Variants in ELF5 observed in about 807,000 individuals in gnomAD.
ELF5 encodes E74 like ETS transcription factor 5, also known as ETS-related transcription factor Elf-5.
Under a neutral mutation model 38.2 loss-of-function variants are expected in ELF5, and 31 were observed. The observed-to-expected ratio is 0.81, with a 90% CI of 0.61 to 1.10. The LOEUF is 1.10. Among genes scored for constraint, ELF5 ranks in the 50% least tolerant of loss-of-function variants. ELF5 has a pLI of 0.00. For synonymous variants in ELF5, 121 were observed against 112.5 expected, an observed-to-expected ratio of 1.08 and a Z score of -0.48; for missense variants, 300 against 306.6, an observed-to-expected ratio of 0.98 and a Z score of 0.16.
At chr11:34,496,672 C>T (rs796179821) in intron 2 of ELF5, among the ~76,000 whole-genome samples, 16 of 152,354 alleles carry the variant, frequency 1.1e-4, no homozygotes, top group African/African-American at 3.8e-4. Flanking sequence ...CCCCTCCAGA[C>T]CTAGAGCTTT....
At chr11:34,502,189 C>CA (rs1455312993) in intron 2 of ELF5, among the ~76,000 whole-genome samples, 1 of 152,216 alleles carries the variant, frequency 6.6e-6, no homozygotes, top group East Asian at 1.9e-4. Flanking sequence ...AAGCATATCT[C>CA]AAAAAACTGG....
In ELF5 at chr11:34,506,037, G is replaced by A. The variant is rs957746224; in HGVS notation, c.-4-284C>T. Among the ~76,000 whole-genome samples, 7 of 152,272 alleles carry A rather than the reference G, an allele frequency of 4.6e-5. No individual in the cohort carries two copies. In the East Asian group the frequency reaches 1.4e-3, roughly 29 times the overall value. On this transcript the variant is annotated intron_variant, in intron 1 of 6. Transcript: ENST00000257832. ...GCAAAGAGGGGACTGGAGCATGGAG[G>A]CTCTGATTATGCAATATTGCCTCTT...
intron 2 of ELF5, among the ~76,000 whole-genome samples, chr11:34,504,773 G>T (rs955298306): frequency 2.0e-5 from 3 of 152,196 alleles, no homozygotes; most frequent in African/African-American, 7.2e-5. Context: ...GTTTCTGGGG[G>T]CAAAGCTCGG....
intron 1 of ELF5, among the ~76,000 whole-genome samples, chr11:34,511,290 T>C (rs1291010967): frequency 1.3e-5 from 2 of 152,222 alleles, no homozygotes; most frequent in Non-Finnish European, 2.9e-5. Context: ...CTGTGCCCAC[T>C]GCCTTCTACC....
chr11:34,494,195 T>G (rs1850258468), intron 2 of ELF5, among the ~76,000 whole-genome samples: 1 of 152,138 alleles, frequency 6.6e-6, no homozygotes, highest in South Asian at 2.1e-4. Flanking sequence ...TTATGGAGTT[T>G]GGGGTTAATG....
At chr11:34,495,668 T>C (rs1347079613) in intron 2 of ELF5, among the ~76,000 whole-genome samples, 1 of 152,244 alleles carries the variant, frequency 6.6e-6, no homozygotes, top group African/African-American at 2.4e-5. Context: ...GCGTCAATAT[T>C]GTGCCAGGGT....
intron 4 of ELF5, among the ~76,000 whole-genome samples, chr11:34,485,954 C>A (rs1849982313): frequency 6.6e-6 from 1 of 152,144 alleles, no homozygotes; most frequent in South Asian, 2.1e-4. Flanking sequence ...TATGTCCCTG[C>A]AGCTGGTGGG....
chr11:34,505,895 TGTCACCTAC>T, intron 1 of ELF5, 142 bp from the exon 2 acceptor site: 3 of 1,017,888 alleles, frequency 2.9e-6, no homozygotes, highest in South Asian at 2.0e-5. Flanking sequence ...CACCGCCTAG[TGTCACCTAC>T]GAGTGACATT....
At chr11:34,499,499 C>T (rs1175429347) in intron 2 of ELF5, among the ~76,000 whole-genome samples, 1 of 152,212 alleles carries the variant, frequency 6.6e-6, no homozygotes, top group African/African-American at 2.4e-5. Context: ...CTGCTTCAGC[C>T]TCCCAAATTG....
chr11:34,495,604 A>T (rs1178153721), intron 2 of ELF5, among the ~76,000 whole-genome samples: 2 of 152,252 alleles, frequency 1.3e-5, no homozygotes, highest in Non-Finnish European at 2.9e-5. Flanking sequence ...GTGGAGGGGC[A>T]GTTGATTTAT....
At chr11:34,501,685 T>G (rs1486475702) in intron 2 of ELF5, among the ~76,000 whole-genome samples, 1 of 152,046 alleles carries the variant, frequency 6.6e-6, no homozygotes, top group Non-Finnish European at 1.5e-5. Context: ...TTCTAGAGTA[T>G]TTTGCAATCT....
intron 3 of ELF5, 33 bp downstream of exon 3, chr11:34,493,446 C>T (rs965951731): frequency 1.5e-5 from 24 of 1,596,626 alleles, no homozygotes; most frequent in Non-Finnish European, 2.0e-5. Context: ...ATCCTGGTCC[C>T]TCCCCTGGAG....
intron 5 of ELF5, 44 bp downstream of exon 5, chr11:34,482,387 A>G (rs1337672375): frequency 6.4e-7 from 1 of 1,557,224 alleles, no homozygotes; most frequent in African/African-American, 1.4e-5. Flanking sequence ...TGTCTGAGGA[A>G]TGGTTTTAAG....
intron 2 of ELF5, 119 bp from the exon 3 acceptor site, chr11:34,493,831 C>CCCT: frequency 1.2e-6 from 1 of 847,402 alleles, no homozygotes; most frequent in Non-Finnish European, 1.8e-6. Context: ...TTGAAAGGGC[C>CCCT]TCCAGCCCTG....
At chr11:34,508,311 G>C (rs1162871576) in intron 1 of ELF5, among the ~76,000 whole-genome samples, 1 of 152,018 alleles carries the variant, frequency 6.6e-6, no homozygotes, top group Non-Finnish European at 1.5e-5. Context: ...AGACCAGCCT[G>C]GTCAACATGG....
chr11:34,480,272 C>G lies in ELF5; in HGVS notation c.714G>C (p.Arg238Ser). 1 of 1,614,014 alleles carries G rather than the reference C, an allele frequency of 6.2e-7. No homozygotes were observed. Among genetic ancestry groups the G allele is most frequent in the Non-Finnish European group, 8.5e-7 (1 of 1,180,008 alleles). The change falls in exon 7 of 7, where the codon AGG becomes AGC. Residue 238 changes from arginine (R) to serine (S), a missense_variant. Coordinates refer to ENST00000257832, the MANE Select transcript of ELF5 (RefSeq NM_001422.4). ...KTGILERVDRRLVYKFGKNAH... is the reference protein window; with the variant it reads ...KTGILERVDRSLVYKFGKNAH... ...CATTTTTTCCAAATTTGTACACTAA[C>G]CTTCGGTCAACCCGCTCCAAAATTC...
At chr11:34,485,472 A>G (rs1024419393) in intron 4 of ELF5, among the ~76,000 whole-genome samples, 2 of 152,226 alleles carry the variant, frequency 1.3e-5, no homozygotes, top group Non-Finnish European at 2.9e-5. Context: ...TGAATTATTA[A>G]GTGTGAATAG....
rs796295118 is a variant in ELF5, at chr11:34,484,497, A to C, written c.407-1998T>G. ...CACTATACTAACTATACTATACTAT[A>C]CTATACTATACTATACTATACTATA... On this transcript the variant is annotated intron_variant, in intron 4 of 6. Coordinates refer to ENST00000257832, the MANE Select transcript of ELF5 (RefSeq NM_001422.4). Among the ~76,000 whole-genome samples the C allele has an allele frequency of 3.2e-3, 393 of 121,502 alleles. 2 individuals are homozygous for C. Among genetic ancestry groups the C allele is most frequent in the Middle Eastern group, 0.011 (2 of 184 alleles). 79.7% of individuals were successfully genotyped at this position (121,502 alleles called of 152,430 possible). A position where few individuals can be genotyped will look rare whatever the true frequency, so the allele number is the denominator to read the frequency against.
At chr11:34,486,853 G>A (rs1850008399) in intron 4 of ELF5, among the ~76,000 whole-genome samples, 1 of 152,214 alleles carries the variant, frequency 6.6e-6, no homozygotes, top group African/African-American at 2.4e-5. Flanking sequence ...AGACCCAATG[G>A]GAACATTGCT....
Sources: allele counts gnomAD v4.1 joint callset (sites outside exome capture counted in the v4.1 genomes callset), GRCh38; gene constraint gnomAD v4.1.1; transcripts MANE v1.5; gene names NCBI Gene and HGNC (gene_info 2026-07-23, HGNC 2026-07-21).